Variants in ELAVL2 observed in about 807,000 individuals in gnomAD.
ELAVL2 encodes the protein ELAV-like protein 2.
Under a neutral mutation model 34.6 loss-of-function variants are expected in ELAVL2, and 4 were observed. The observed-to-expected ratio is 0.12, with a 90% CI of 0.06 to 0.26. The LOEUF (loss-of-function observed/expected upper bound fraction) is 0.26, where lower values mean the gene tolerates loss of function less well. Ranked by LOEUF, ELAVL2 falls within the 10% of genes least tolerant of loss-of-function variation. ELAVL2 has a pLI of 1.00. For synonymous variants in ELAVL2, 193 were observed against 154.8 expected (o/e 1.25, Z -1.83); for missense variants, 432 against 442.8 (o/e 0.98, Z 0.22).
At chr9:23,793,616 C>T (rs747900871) in intron 1 of ELAVL2, among the ~76,000 whole-genome samples, 1 of 152,160 alleles carries the variant, frequency 6.6e-6, no homozygotes, top group Non-Finnish European at 1.5e-5. Context: ...CAAGCCTCTT[C>T]AACACTCTCT....
chr9:23,785,316 C>G (rs1564456186), intron 1 of ELAVL2, among the ~76,000 whole-genome samples: 1 of 152,174 alleles, frequency 6.6e-6, no homozygotes, highest in Non-Finnish European at 1.5e-5. Context: ...AAGATAAAGT[C>G]ATACAAGTTC....
chr9:23,775,801 C>T (rs1168036081), intron 1 of ELAVL2, among the ~76,000 whole-genome samples: 2 of 152,280 alleles, frequency 1.3e-5, no homozygotes, highest in African/African-American at 4.8e-5. Flanking sequence ...TGTCACCCAA[C>T]CTGTTTTCTC....
Position 23,731,008 on chromosome 9 carries a change from A to T in ELAVL2, c.333+14T>A. 6.3e-7 allele frequency: 1 copy of T among 1,599,810 alleles called. No homozygotes were observed. The highest frequency in any genetic ancestry group is 8.5e-7 in the Non-Finnish European group (1 of 1,174,452). On this transcript the variant is annotated intron_variant, in intron 3 of 6. Transcript: ENST00000397312. ...TCTGTTCCGCAAGTAGATATAAAAA[A>T]ACTTTAAACATACTTTTATTGTTTT...
intron 3 of ELAVL2, among the ~76,000 whole-genome samples, chr9:23,724,126 T>A (rs2044465238): frequency 6.6e-6 from 1 of 152,218 alleles, no homozygotes; most frequent in African/African-American, 2.4e-5. Flanking sequence ...ATGATACCCC[T>A]GTGGAGCATG....
At chr9:23,753,328 C>G (rs55646663) in intron 2 of ELAVL2, among the ~76,000 whole-genome samples, 15,526 of 152,020 alleles carry the variant, frequency 0.1, 1,123 homozygotes, top group Non-Finnish European at 0.16. Flanking sequence ...AGTTTTAGCT[C>G]CAATAATCAA....
intron 4 of ELAVL2, among the ~76,000 whole-genome samples, chr9:23,703,111 T>C (rs2038045031): frequency 6.6e-6 from 1 of 152,118 alleles, no homozygotes; most frequent in Non-Finnish European, 1.5e-5. Context: ...TTTGCATTTT[T>C]AGCAGGGTTC....
At chr9:23,804,730 T>TA (rs151150891) in intron 1 of ELAVL2, among the ~76,000 whole-genome samples, 6,178 of 152,184 alleles carry the variant, frequency 0.041, 194 homozygotes, top group Middle Eastern at 0.14. Flanking sequence ...CCTACATTTT[T>TA]AAAAAGGAAA....
chr9:23,807,695 A>T (rs952400070), intron 1 of ELAVL2, among the ~76,000 whole-genome samples: 3 of 152,198 alleles, frequency 2.0e-5, no homozygotes, highest in African/African-American at 7.2e-5. Context: ...AAATAATCCA[A>T]TCAATGACAA....
chr9:23,841,436 G>C, the ELAVL2 span, among the ~76,000 whole-genome samples: 2 of 151,794 alleles, frequency 1.3e-5, no homozygotes, highest in Admixed American at 6.6e-5. Flanking sequence ...TTACTTTAGA[G>C]TTTCTAGAGA....
intron 2 of ELAVL2, among the ~76,000 whole-genome samples, chr9:23,755,856 A>G (rs1239178378): frequency 6.6e-6 from 1 of 152,160 alleles, no homozygotes; most frequent in Admixed American, 6.6e-5. Context: ...ACTGGTCTGC[A>G]AGAATCAGAA....
At chr9:23,728,197 C>G (rs1461355430) in intron 3 of ELAVL2, among the ~76,000 whole-genome samples, 1 of 151,936 alleles carries the variant, frequency 6.6e-6, no homozygotes, top group African/African-American at 2.4e-5. Flanking sequence ...CCCTGTAATT[C>G]CAAAACTTCT....
At chr9:23,759,297 T>G (rs1474368829) in intron 2 of ELAVL2, among the ~76,000 whole-genome samples, 1 of 151,970 alleles carries the variant, frequency 6.6e-6, no homozygotes, top group African/African-American at 2.4e-5. Flanking sequence ...GGACACTATG[T>G]TAAGTGAGGT....
At chr9:23,781,516 TC>T in intron 1 of ELAVL2, among the ~76,000 whole-genome samples, 1 of 145,472 alleles carries the variant, frequency 6.9e-6, no homozygotes, top group South Asian at 2.2e-4. Flanking sequence ...TTTTTTTCTT[TC>T]CTTTTTTTTT....
intron 1 of ELAVL2, among the ~76,000 whole-genome samples, chr9:23,790,817 A>G (rs2060237576): frequency 6.6e-6 from 1 of 152,224 alleles, no homozygotes; most frequent in Non-Finnish European, 1.5e-5. Flanking sequence ...ACACAGAGCA[A>G]CACAACACAA....
chr9:23,813,600 G>A (rs1384961661), intron 1 of ELAVL2, among the ~76,000 whole-genome samples: 1 of 152,068 alleles, frequency 6.6e-6, no homozygotes, highest in African/African-American at 2.4e-5. Flanking sequence ...CAGGCAACTG[G>A]CAGGGAGAAA....
chr9:23,759,789 T>TATATATATATATAA (rs1351880472), intron 2 of ELAVL2, among the ~76,000 whole-genome samples: 7 of 106,386 alleles, frequency 6.6e-5, no homozygotes, highest in Admixed American at 2.1e-4. Context: ...TATATATATA[T>TATATATATATATAA]AATGTATAGA....
At chr9:23,779,149 C>T in intron 1 of ELAVL2, 1 of 973,634 alleles carries the variant, frequency 1.0e-6, no homozygotes, top group Non-Finnish European at 1.2e-6. Context: ...GCTCTAAAAA[C>T]TGTCTCATGA....
intron 3 of ELAVL2, among the ~76,000 whole-genome samples, chr9:23,714,880 T>C (rs888410634): frequency 1.3e-5 from 2 of 152,182 alleles, no homozygotes; most frequent in Non-Finnish European, 2.9e-5. Flanking sequence ...TTTCATTAAA[T>C]ATACTATGAA....
chr9:23,743,319 A>AC (rs1206840356), intron 2 of ELAVL2, among the ~76,000 whole-genome samples: 1 of 152,230 alleles, frequency 6.6e-6, no homozygotes, highest in Non-Finnish European at 1.5e-5. Flanking sequence ...TTCATATCAC[A>AC]CATAAGCATT....
Sources: gnomAD v4.1 joint callset for allele counts (sites outside exome capture counted in the v4.1 genomes callset) on GRCh38, gnomAD v4.1.1 for gene constraint, MANE v1.5 for transcripts, NCBI Gene and HGNC (gene_info 2026-07-23, HGNC 2026-07-21) for gene names.